Variants in CNTNAP4 observed in about 807,000 individuals in gnomAD.
The protein encoded by CNTNAP4 is contactin associated protein family member 4.
Under a neutral mutation model 148.4 loss-of-function variants are expected in CNTNAP4, and 98 were observed. That is an observed-to-expected ratio of 0.66 (90% CI 0.56 to 0.78). The LOEUF (loss-of-function observed/expected upper bound fraction) is 0.78. CNTNAP4 is among the 30% of genes least tolerant of loss of function. CNTNAP4 has a pLI of 0.00. For missense variants in CNTNAP4, 1,935 were observed against 1,565.6 expected, an observed-to-expected ratio of 1.24 and a Z score of -3.98; for synonymous variants, 730 against 565.1, an observed-to-expected ratio of 1.29 and a Z score of -4.14.
chr16:76,402,407 C>G (rs2078450847), intron 3 of CNTNAP4, among the ~76,000 whole-genome samples: 1 of 151,456 alleles, frequency 6.6e-6, no homozygotes, highest in Non-Finnish European at 1.5e-5. Flanking sequence ...TTTGTCACTT[C>G]TAATTGTGTT....
intron 1 of CNTNAP4, among the ~76,000 whole-genome samples, chr16:76,288,294 CAATT>C (rs1318537017): frequency 6.6e-6 from 1 of 152,096 alleles, no homozygotes; most frequent in East Asian, 1.9e-4. Context: ...AACAGTGAGT[CAATT>C]AAACTTCTTT....
At chr16:76,543,795 G>A (rs781728208) in intron 21 of CNTNAP4, among the ~76,000 whole-genome samples, 5 of 152,198 alleles carry the variant, frequency 3.3e-5, no homozygotes, top group Non-Finnish European at 7.3e-5. Flanking sequence ...GCATGAGGAT[G>A]GATTTCAGAG....
intron 3 of CNTNAP4, among the ~76,000 whole-genome samples, chr16:76,419,960 G>T (rs556558613): frequency 6.6e-6 from 1 of 152,086 alleles, no homozygotes; most frequent in African/African-American, 2.4e-5. Flanking sequence ...ACCTCCCAAA[G>T]ACCTCATTTC....
chr16:76,348,857 C>CA (rs34687530), intron 2 of CNTNAP4, among the ~76,000 whole-genome samples: 107,500 of 147,814 alleles, frequency 0.73, 39,282 homozygotes, highest in Middle Eastern at 0.78. Context: ...TAAAAGAAGC[C>CA]AAAAAAAAAA....
intron 3 of CNTNAP4, among the ~76,000 whole-genome samples, chr16:76,409,653 G>A (rs34449971): frequency 1.3e-5 from 2 of 151,804 alleles, no homozygotes; most frequent in South Asian, 4.1e-4. Context: ...TTCCTAGGAA[G>A]TATTCTATTG....
chr16:76,450,812 A>G (rs944617069), intron 7 of CNTNAP4, among the ~76,000 whole-genome samples: 9 of 152,184 alleles, frequency 5.9e-5, no homozygotes, highest in African/African-American at 2.2e-4. Context: ...GGGAAGCAGC[A>G]CCAATGCTAG....
chr16:76,489,301 C>T (rs2082128816), intron 12 of CNTNAP4, among the ~76,000 whole-genome samples: 1 of 152,030 alleles, frequency 6.6e-6, no homozygotes, highest in African/African-American at 2.4e-5. Flanking sequence ...TAATAGGCAG[C>T]ATTTTTCCTT....
At chr16:76,390,594 C>A (rs2144761536) in intron 3 of CNTNAP4, among the ~76,000 whole-genome samples, 1 of 150,700 alleles carries the variant, frequency 6.6e-6, no homozygotes, top group South Asian at 2.1e-4. Context: ...AAAAGCCCTG[C>A]TTGTTTTAAG....
chr16:76,349,055 C>T (rs1597278312), intron 2 of CNTNAP4, among the ~76,000 whole-genome samples: 1 of 152,198 alleles, frequency 6.6e-6, no homozygotes, highest in Non-Finnish European at 1.5e-5. Flanking sequence ...CAACGAATGT[C>T]TTATGTAACT....
chr16:76,418,363 C>T (rs1597473883), intron 3 of CNTNAP4, among the ~76,000 whole-genome samples: 1 of 130,242 alleles, frequency 7.7e-6, no homozygotes, highest in Admixed American at 8.1e-5. Context: ...TTGTCTATTA[C>T]AGCTTGAGAA....
At chr16:76,380,278 T>C (rs2015835057) in intron 3 of CNTNAP4, among the ~76,000 whole-genome samples, 1 of 152,182 alleles carries the variant, frequency 6.6e-6, no homozygotes, top group South Asian at 2.1e-4. Flanking sequence ...ACATCTGTGA[T>C]TGTCAAGGGA....
intron 18 of CNTNAP4, among the ~76,000 whole-genome samples, chr16:76,536,242 C>A (rs1431806304): frequency 6.6e-6 from 1 of 152,032 alleles, no homozygotes; most frequent in Non-Finnish European, 1.5e-5. Flanking sequence ...GTCACCCAGG[C>A]TGGAGTGCAG....
At chr16:76,371,592 A>G (rs888715512) in intron 3 of CNTNAP4, among the ~76,000 whole-genome samples, 3 of 152,122 alleles carry the variant, frequency 2.0e-5, no homozygotes, top group Non-Finnish European at 4.4e-5. Context: ...GCCTGTTGTC[A>G]CTTCTGGGAC....
At chr16:76,310,777 A>G (rs1043339219) in intron 1 of CNTNAP4, among the ~76,000 whole-genome samples, 3 of 152,086 alleles carry the variant, frequency 2.0e-5, no homozygotes, top group Non-Finnish European at 2.9e-5. Context: ...TAAGCTGAAT[A>G]CTGCTGAAAA....
At chr16:76,474,119 C>T (rs1237314810) in intron 10 of CNTNAP4, among the ~76,000 whole-genome samples, 1 of 152,168 alleles carries the variant, frequency 6.6e-6, no homozygotes, top group Non-Finnish European at 1.5e-5. Context: ...TTCCTTACAA[C>T]TGGCTAACAG....
At chr16:76,350,841 AAAGTT>A (rs1965307920) in intron 2 of CNTNAP4, among the ~76,000 whole-genome samples, 1 of 152,188 alleles carries the variant, frequency 6.6e-6, no homozygotes, top group African/African-American at 2.4e-5. Context: ...TGTAATATGA[AAAGTT>A]AAGACATTTT....
intron 17 of CNTNAP4, among the ~76,000 whole-genome samples, chr16:76,524,876 A>T (rs915288232): frequency 1.3e-5 from 2 of 152,150 alleles, no homozygotes; most frequent in African/African-American, 4.8e-5. Context: ...GTTAATAAAA[A>T]TCTGTTTATG....
intron 8 of CNTNAP4, 87 bp from the exon 9 acceptor site, chr16:76,461,869 T>C (rs1432327435): frequency 3.7e-6 from 4 of 1,090,604 alleles, no homozygotes; most frequent in Middle Eastern, 2.5e-4. Flanking sequence ...CTGTAGCCAA[T>C]TGAGTGATGT....
At position 76,456,445 on chromosome 16, in the gene CNTNAP4, T is replaced by C. The variant is rs144643476; in HGVS notation, c.1333+3676T>C. 9.5e-4 allele frequency among the ~76,000 whole-genome samples: 144 copies of C among 152,368 alleles called. No homozygotes were observed. The East Asian group carries it at 0.022, about 24-fold the overall frequency. ...AAATACAGAACAAAACAGTTGGTCA[T>C]TCATAAGTATCAGGAGAGAAAGAAG... On this transcript the variant is annotated intron_variant, in intron 8 of 23. Transcript: ENST00000611870.
Sources: gnomAD v4.1 joint callset for allele counts (sites outside exome capture counted in the v4.1 genomes callset) on GRCh38, gnomAD v4.1.1 for gene constraint, MANE v1.5 for transcripts, NCBI Gene and HGNC (gene_info 2026-07-23, HGNC 2026-07-21) for gene names.